DPP6: variants seen among roughly 807,000 people sequenced by gnomAD.
DPP6 encodes A-type potassium channel modulatory protein DPP6.
A neutral mutation model predicts 122.6 loss-of-function variants in DPP6; 69 were observed. The observed-to-expected ratio is 0.56, with a 90% CI of 0.46 to 0.69. The LOEUF is 0.69. DPP6 is among the 30% of genes least tolerant of loss of function. The probability of loss-of-function intolerance (pLI) is 0.00; values close to 1 mark genes in which losing one functional copy is unlikely to be tolerated. For synonymous variants in DPP6, 418 were observed against 433.1 expected (o/e 0.97, Z 0.43); for missense variants, 928 against 1,116.9 (o/e 0.83, Z 2.41).
At chr7:154,188,634 T>G (rs1436299832) in intron 1 of DPP6, among the ~76,000 whole-genome samples, 1 of 152,146 alleles carries the variant, frequency 6.6e-6, no homozygotes, top group Non-Finnish European at 1.5e-5. Context: ...GTTTTGCGAG[T>G]GAGCTTTTCA....
At chr7:154,127,196 T>C (rs1807953348) in intron 1 of DPP6, among the ~76,000 whole-genome samples, 2 of 152,224 alleles carry the variant, frequency 1.3e-5, no homozygotes, top group African/African-American at 4.8e-5. Flanking sequence ...CTAAGTTACG[T>C]CATTTTAAGC....
intron 1 of DPP6, among the ~76,000 whole-genome samples, chr7:154,188,418 C>T (rs188179435): frequency 9.9e-5 from 15 of 152,142 alleles, no homozygotes; most frequent in African/African-American, 3.1e-4. Context: ...TAGTCCTTAT[C>T]TTAAATTAAT....
At chr7:153,926,364 C>T (rs1013437093) in intron 1 of DPP6, among the ~76,000 whole-genome samples, 2 of 152,154 alleles carry the variant, frequency 1.3e-5, no homozygotes, top group African/African-American at 2.4e-5. Flanking sequence ...ATTTTGAAGC[C>T]TAACTCCTAA....
At chr7:154,859,854 G>A (rs529504164) in intron 17 of DPP6, among the ~76,000 whole-genome samples, 27 of 152,304 alleles carry the variant, frequency 1.8e-4, no homozygotes, top group Non-Finnish European at 3.4e-4. Context: ...TCGACGTGTG[G>A]GAGTCGAAAT....
In DPP6 at chr7:154,862,064, C is replaced by T. The variant is rs1001341824; in HGVS notation, c.1715-5931C>T. 7.2e-5 allele frequency among the ~76,000 whole-genome samples: 11 copies of T among 152,146 alleles called. No homozygotes were observed. The East Asian group carries it at 7.7e-4, about 11-fold the overall frequency. On this transcript the variant is annotated intron_variant, in intron 17 of 25. Coordinates refer to ENST00000377770, the MANE Select transcript of DPP6 (RefSeq NM_130797.4). ...TTGTTAAAATCAAAGGATGACAAGC[C>T]GACCATGTTACTGGGGGCTCTTACC...
intron 2 of DPP6, among the ~76,000 whole-genome samples, chr7:154,472,504 C>T (rs1442002783): frequency 1.3e-5 from 2 of 152,276 alleles, no homozygotes; most frequent in East Asian, 3.9e-4. Flanking sequence ...TCCATATTAG[C>T]AGGACAAGCC....
At chr7:154,402,515 G>A (rs1048431480) in intron 1 of DPP6, among the ~76,000 whole-genome samples, 10 of 148,880 alleles carry the variant, frequency 6.7e-5, no homozygotes, top group South Asian at 2.1e-4. Context: ...ACCAAACACC[G>A]CATATTCTCA....
At chr7:154,173,552 C>G (rs1797644536) in intron 1 of DPP6, among the ~76,000 whole-genome samples, 1 of 152,096 alleles carries the variant, frequency 6.6e-6, no homozygotes, top group African/African-American at 2.4e-5. Flanking sequence ...CTCTCTGTTT[C>G]CTCCCCCTTC....
intron 1 of DPP6, among the ~76,000 whole-genome samples, chr7:153,971,068 G>T (rs1052358336): frequency 1.6e-4 from 24 of 152,056 alleles, no homozygotes; most frequent in Non-Finnish European, 2.4e-4. Context: ...CATCAATTTT[G>T]GGAGAATTGG....
intron 1 of DPP6, among the ~76,000 whole-genome samples, chr7:154,183,916 A>G (rs77502863): frequency 0.011 from 1,671 of 152,280 alleles, 44 homozygotes; most frequent in African/African-American, 0.038. Context: ...GCCCTGCACT[A>G]TTTGCGGAGG....
chr7:153,840,907 G>A, the DPP6 span, among the ~76,000 whole-genome samples: 1 of 152,186 alleles, frequency 6.6e-6, no homozygotes, highest in Non-Finnish European at 1.5e-5. Flanking sequence ...TCTCGTCTGA[G>A]CTGAGCCTGA....
At chr7:154,419,941 T>C (rs1196151752) in intron 1 of DPP6, among the ~76,000 whole-genome samples, 1 of 152,152 alleles carries the variant, frequency 6.6e-6, no homozygotes, top group African/African-American at 2.4e-5. Context: ...GGAAACAATG[T>C]AAACGTCCAT....
At position 154,634,690 on chromosome 7, in the gene DPP6, GTCTCCTTCT is replaced by G. The variant is rs1024679621; in HGVS notation, c.628-3118_628-3110del. ...CCTCTTCCCCTTCTCCTTCTCCTTC[GTCTCCTTCT>G]TCTCCTTCTTCTTCCTTCTTCTCTT... On this transcript the variant is annotated intron_variant, in intron 5 of 25. Coordinates refer to ENST00000377770, the MANE Select transcript of DPP6 (RefSeq NM_130797.4). Among the ~76,000 whole-genome samples, 2 of 143,864 alleles carry G rather than the reference GTCTCCTTCT, an allele frequency of 1.4e-5. 1 individual carries two copies. The highest frequency in any genetic ancestry group is 3.0e-5 in the Non-Finnish European group (2 of 65,710). The allele number at this position is 143,864 out of a possible 152,430, so 94.4% of individuals were successfully genotyped here. A position where few individuals can be genotyped will look rare whatever the true frequency, so the allele number is the denominator to read the frequency against.
At chr7:154,552,445 T>C (rs1829705956) in intron 4 of DPP6, among the ~76,000 whole-genome samples, 1 of 152,182 alleles carries the variant, frequency 6.6e-6, no homozygotes, top group Non-Finnish European at 1.5e-5. Flanking sequence ...ATCACAACTT[T>C]GACCAAGACG....
chr7:153,841,790 A>T, the DPP6 span, among the ~76,000 whole-genome samples: 1 of 152,236 alleles, frequency 6.6e-6, no homozygotes, highest in African/African-American at 2.4e-5. Context: ...AATGAGTAGC[A>T]ATAACTGATG....
intron 1 of DPP6, among the ~76,000 whole-genome samples, chr7:154,020,612 A>T (rs1261160180): frequency 6.6e-6 from 1 of 152,084 alleles, no homozygotes; most frequent in African/African-American, 2.4e-5. Flanking sequence ...TGCCGTGCTG[A>T]CTTGTCTCTA....
chr7:154,150,128 T>G (rs1407317625), intron 1 of DPP6, among the ~76,000 whole-genome samples: 1 of 151,766 alleles, frequency 6.6e-6, no homozygotes, highest in Non-Finnish European at 1.5e-5. Context: ...ACGAGGAGGT[T>G]TAGAGGTTTG....
At chr7:154,768,968 G>A (rs974726042) in intron 8 of DPP6, among the ~76,000 whole-genome samples, 4 of 152,174 alleles carry the variant, frequency 2.6e-5, no homozygotes, top group African/African-American at 7.2e-5. Flanking sequence ...CTCAGCCTCT[G>A]CCAGAGTTCA....
intron 7 of DPP6, among the ~76,000 whole-genome samples, chr7:154,711,069 A>G (rs1388213579): frequency 2.6e-5 from 4 of 152,252 alleles, no homozygotes; most frequent in Admixed American, 6.5e-5. Context: ...GAGAAATGCA[A>G]TTGCCAAATA....
Sources: gnomAD v4.1 joint callset for allele counts (sites outside exome capture counted in the v4.1 genomes callset) on GRCh38, gnomAD v4.1.1 for gene constraint, MANE v1.5 for transcripts, NCBI Gene and HGNC (gene_info 2026-07-23, HGNC 2026-07-21) for gene names.